LRBA: variants seen among roughly 807,000 people sequenced by gnomAD.
LRBA encodes LPS responsive beige-like anchor protein.
In LRBA, 176 loss-of-function variants were observed where a neutral mutation model predicts 330.0. The ratio of observed to expected loss-of-function variants is 0.53; its 90% CI spans 0.47 to 0.60. The LOEUF (loss-of-function observed/expected upper bound fraction) is 0.60. LRBA is among the 20% of genes least tolerant of loss of function. The pLI, the probability that LRBA is intolerant of heterozygous loss-of-function variation, is 0.00. For missense variants in LRBA, 3,259 were observed against 3,444.8 expected (o/e 0.95, Z 1.35); for synonymous variants, 1,230 against 1,193.0 (o/e 1.03, Z -0.64).
chr4:150,661,675 A>C (rs900655649), intron 37 of LRBA, among the ~76,000 whole-genome samples: 3 of 152,056 alleles, frequency 2.0e-5, no homozygotes, highest in African/African-American at 7.2e-5. Flanking sequence ...CAGTGGCACA[A>C]TCTCAGCTCA....
At chr4:150,887,540 G>A (rs993269258) in intron 17 of LRBA, among the ~76,000 whole-genome samples, 4 of 152,042 alleles carry the variant, frequency 2.6e-5, no homozygotes, top group East Asian at 1.9e-4. Flanking sequence ...TTGGGAGGCC[G>A]AGGCAGGCAG....
intron 44 of LRBA, among the ~76,000 whole-genome samples, chr4:150,462,051 C>A (rs543372533): frequency 6.6e-6 from 1 of 151,700 alleles, no homozygotes; most frequent in Non-Finnish European, 1.5e-5. Context: ...TATATTCCTG[C>A]GCTGATTATA....
intron 37 of LRBA, among the ~76,000 whole-genome samples, chr4:150,679,062 A>C (rs1419761238): frequency 6.6e-6 from 1 of 152,222 alleles, no homozygotes; most frequent in Middle Eastern, 3.2e-3. Context: ...TTTGGAAAAG[A>C]AAATACGTCA....
chr4:150,264,475 G>C lies in LRBA; in HGVS notation c.*1247C>G, dbSNP rs562648134. On this transcript the variant is annotated 3_prime_UTR_variant, in exon 57 of 57. Transcript: ENST00000651943. ...CTTTGTGAATCATTATTTTATTAAT[G>C]ATGTTTAAAATTTAGGAGCAAAAAA... 3 of 152,006 alleles carry C rather than the reference G, an allele frequency of 2.0e-5. No individual in the cohort carries two copies. Among genetic ancestry groups the C allele is most frequent in the Non-Finnish European group, 4.4e-5 (3 of 67,968 alleles). The allele number at this position is 152,006 out of a possible 1,614,324, so 9.4% of individuals were successfully genotyped here. A position where few individuals can be genotyped will look rare whatever the true frequency, so the allele number is the denominator to read the frequency against.
intron 37 of LRBA, among the ~76,000 whole-genome samples, chr4:150,639,360 T>TAAAAAAAAAAAA (rs371245495): frequency 1.9e-5 from 2 of 106,680 alleles, no homozygotes; most frequent in Non-Finnish European, 3.7e-5. Context: ...TAAAGTATAA[T>TAAAAAAAAAAAA]AAAAAAAAAA....
rs1238758625 is a variant in LRBA, at chr4:150,550,375, A to T, written c.6330+37673T>A. On this transcript the variant is annotated intron_variant, in intron 40 of 56. Transcript: ENST00000651943. ...TAAAAAAGAGCAACTATAGGGAAAGAACCAAAAATGGATCTAGGAAAATTA... is the reference window on the plus strand; with the variant it reads ...TAAAAAAGAGCAACTATAGGGAAAGTACCAAAAATGGATCTAGGAAAATTA... Among the ~76,000 whole-genome samples, 6 of 152,194 alleles carry T rather than the reference A, an allele frequency of 3.9e-5. No individual in the cohort carries two copies. The East Asian group carries it at 1.2e-3, about 29-fold the overall frequency.
chr4:150,464,374 G>T (rs1298209828), intron 44 of LRBA, among the ~76,000 whole-genome samples: 1 of 151,754 alleles, frequency 6.6e-6, no homozygotes, highest in Non-Finnish European at 1.5e-5. Flanking sequence ...GAGAGAGTAG[G>T]GTATAATAGC....
intron 44 of LRBA, among the ~76,000 whole-genome samples, chr4:150,438,015 T>C (rs756568112): frequency 2.6e-4 from 40 of 152,242 alleles, no homozygotes; most frequent in Non-Finnish European, 4.7e-4. Context: ...ACGTAGAGAA[T>C]ATGCTTGAGA....
chr4:150,967,294 T>C (rs1739013973), intron 2 of LRBA, among the ~76,000 whole-genome samples: 1 of 152,334 alleles, frequency 6.6e-6, no homozygotes, highest in Admixed American at 6.5e-5. Context: ...TTTTAATCAC[T>C]TGGGCAACAA....
At chr4:150,581,241 G>A (rs532998037) in intron 40 of LRBA, 7 of 368,340 alleles carry the variant, frequency 1.9e-5, no homozygotes, top group South Asian at 1.5e-4. Flanking sequence ...CAAACAAGGT[G>A]CTTGGACTAG....
chr4:151,002,533 C>T (rs1000273623), intron 2 of LRBA, among the ~76,000 whole-genome samples: 5 of 149,780 alleles, frequency 3.3e-5, no homozygotes, highest in African/African-American at 1.2e-4. Context: ...CCATCACACT[C>T]CAGCCTGGGC....
At chr4:150,919,035 A>G (rs1732952538) in intron 5 of LRBA, among the ~76,000 whole-genome samples, 1 of 152,264 alleles carries the variant, frequency 6.6e-6, no homozygotes, top group Non-Finnish European at 1.5e-5. Context: ...ATGATTAAAT[A>G]AAGTATGGTA....
intron 30 of LRBA, among the ~76,000 whole-genome samples, chr4:150,821,384 C>T (rs938636782): frequency 1.3e-5 from 2 of 151,916 alleles, no homozygotes; most frequent in East Asian, 1.9e-4. Context: ...TTATGACAAC[C>T]CTTGAGATTA....
chr4:150,950,372 T>C (rs572298555), intron 2 of LRBA, among the ~76,000 whole-genome samples: 2 of 152,270 alleles, frequency 1.3e-5, no homozygotes, highest in African/African-American at 4.8e-5. Context: ...TTTAAAACTA[T>C]AGCATCACAT....
At chr4:150,453,418 A>AC (rs1214653760) in intron 44 of LRBA, among the ~76,000 whole-genome samples, 1 of 152,166 alleles carries the variant, frequency 6.6e-6, no homozygotes. Context: ...TCCAGAGAAA[A>AC]AGTCTTTCTA....
intron 40 of LRBA, among the ~76,000 whole-genome samples, chr4:150,560,708 C>T (rs1340355906): frequency 3.9e-5 from 6 of 152,098 alleles, no homozygotes; most frequent in East Asian, 3.8e-4. Flanking sequence ...TACTATCGGC[C>T]GGGCACAGTG....
At chr4:150,873,078 C>G (rs1257645632) in intron 17 of LRBA, among the ~76,000 whole-genome samples, 1 of 152,036 alleles carries the variant, frequency 6.6e-6, no homozygotes. Context: ...AGGTTACCAA[C>G]TTGTTATTTT....
intron 40 of LRBA, among the ~76,000 whole-genome samples, chr4:150,499,182 TC>T (rs1418367458): frequency 2.6e-5 from 4 of 152,238 alleles, no homozygotes; most frequent in African/African-American, 9.6e-5. Flanking sequence ...AATTGTTTTT[TC>T]TTCAAAATAT....
intron 51 of LRBA, among the ~76,000 whole-genome samples, chr4:150,313,837 A>AATATATATAT: frequency 8.0e-6 from 1 of 125,454 alleles, no homozygotes; most frequent in African/African-American, 3.4e-5. Flanking sequence ...GAATATATAT[A>AATATATATAT]ATGTATATAT....
Sources: gnomAD v4.1 joint callset for allele counts (sites outside exome capture counted in the v4.1 genomes callset) on GRCh38, gnomAD v4.1.1 for gene constraint, MANE v1.5 for transcripts, NCBI Gene and HGNC (gene_info 2026-07-23, HGNC 2026-07-21) for gene names.